Variants in TXNDC11 observed in about 807,000 individuals in gnomAD.
TXNDC11 encodes thioredoxin domain-containing protein 11.
TXNDC11 carries 68 observed loss-of-function variants against 78.0 expected under a neutral mutation model. The ratio of observed to expected loss-of-function variants is 0.87; its 90% CI spans 0.72 to 1.07. TXNDC11 has a LOEUF of 1.07. Among genes scored for constraint, TXNDC11 ranks in the 50% least tolerant of loss-of-function variants. The pLI, the probability that TXNDC11 is intolerant of heterozygous loss-of-function variation, is 0.00. For missense variants in TXNDC11, 1,389 were observed against 1,221.8 expected, an observed-to-expected ratio of 1.14 and a Z score of -2.04; for synonymous variants, 571 against 495.2, an observed-to-expected ratio of 1.15 and a Z score of -2.03.
chr16:11,698,092 C>G (rs760283206), intron 7 of TXNDC11, 33 bp downstream of exon 7: 3 of 1,607,754 alleles, frequency 1.9e-6, no homozygotes, highest in Non-Finnish European at 2.6e-6. Flanking sequence ...TTTCCTACTC[C>G]TCATGAGGTG....
chr16:11,708,870 A>G (rs973891737), intron 5 of TXNDC11, among the ~76,000 whole-genome samples: 3 of 152,344 alleles, frequency 2.0e-5, no homozygotes, highest in Admixed American at 6.5e-5. Flanking sequence ...TCTTCTTTCC[A>G]AAGTCAGAAA....
intron 10 of TXNDC11, 24 bp downstream of exon 10, chr16:11,687,833 G>A (rs745356100): frequency 3.3e-6 from 5 of 1,520,682 alleles, no homozygotes; most frequent in Non-Finnish European, 4.6e-6. Flanking sequence ...ACAGCCCAAA[G>A]CGCTGCAGAA....
intron 5 of TXNDC11, among the ~76,000 whole-genome samples, chr16:11,706,295 G>A (rs2051177089): frequency 1.3e-5 from 2 of 152,204 alleles, no homozygotes; most frequent in Non-Finnish European, 2.9e-5. Flanking sequence ...AGGTCAAGGT[G>A]ACCACAGCCA....
chr16:11,698,015 C>A (rs968864013), intron 7 of TXNDC11, 110 bp downstream of exon 7: 8 of 989,828 alleles, frequency 8.1e-6, no homozygotes, highest in Non-Finnish European at 1.5e-6. Flanking sequence ...AGCTGCCCCT[C>A]GTGGCAGCCA....
intron 2 of TXNDC11, among the ~76,000 whole-genome samples, chr16:11,734,543 C>T (rs1038375665): frequency 2.6e-5 from 4 of 152,170 alleles, no homozygotes; most frequent in South Asian, 2.1e-4. Flanking sequence ...CTGACAGCAT[C>T]GCCTTGCAAA....
At chr16:11,710,465 A>G (rs2051317422) in intron 5 of TXNDC11, among the ~76,000 whole-genome samples, 1 of 152,240 alleles carries the variant, frequency 6.6e-6, no homozygotes. Flanking sequence ...AACTAGGGCA[A>G]AGCTCCCTTA....
intron 5 of TXNDC11, among the ~76,000 whole-genome samples, chr16:11,718,427 G>A (rs2051607096): frequency 6.6e-6 from 1 of 152,064 alleles, no homozygotes; most frequent in South Asian, 2.1e-4. Context: ...TGTTTCTCCA[G>A]CCTTGATCTG....
intron 4 of TXNDC11, among the ~76,000 whole-genome samples, chr16:11,727,125 ACTATATAATTTTATAATGGTC>A (rs1343856098): frequency 2.0e-5 from 3 of 152,248 alleles, no homozygotes; most frequent in Non-Finnish European, 1.5e-5. Context: ...ATGAATGCTA[ACTATATAATTTTATAATGGTC>A]CAAAATGCTC....
intron 4 of TXNDC11, among the ~76,000 whole-genome samples, chr16:11,726,293 C>T (rs563764897): frequency 1.5e-3 from 226 of 152,156 alleles, no homozygotes; most frequent in African/African-American, 4.9e-3. Context: ...TAAAAACTTC[C>T]ACTCTTCGGC....
chr16:11,717,685 G>C (rs1231617432), intron 5 of TXNDC11, among the ~76,000 whole-genome samples: 2 of 150,266 alleles, frequency 1.3e-5, no homozygotes, highest in Admixed American at 1.3e-4. Context: ...GCTGGGCGTG[G>C]TGGCAGGCGC....
chr16:11,697,983 A>G (rs1479024822), intron 7 of TXNDC11, 142 bp downstream of exon 7: 1 of 777,204 alleles, frequency 1.3e-6, no homozygotes, highest in Non-Finnish European at 2.2e-6. Context: ...ATGGAGGGGC[A>G]AAGAGCAATG....
At position 11,679,808 on chromosome 16, in the gene TXNDC11, T is replaced by C. The variant is rs775687001; in HGVS notation, c.2264A>G (p.Asp755Gly). 1.5e-5 allele frequency: 24 copies of C among 1,612,842 alleles called. No individual in the cohort carries two copies. The highest frequency in any genetic ancestry group is 3.3e-5 in the Admixed American group (2 of 59,950). The change falls in exon 12 of 12, where the codon GAC becomes GGC. Residue 755 changes from aspartate to glycine, a missense_variant. Asp to Gly is a moderately conservative substitution (Grantham distance 94). Transcript: ENST00000283033. This position sits in a 1 kb window ranked among gnomAD's most constrained non-coding sequence, Gnocchi z 4.6. ...CAGGTTTGGAAGGGTGATGGGGACG[T>C]CTTCGGGGTATTTCACACTTAGGTC... Reference protein sequence around the residue: ...RKDLSVKYPEDVPITLPNLLR... With the variant: ...RKDLSVKYPEGVPITLPNLLR...
At position 11,733,995 on chromosome 16, in the gene TXNDC11, G is replaced by C. The variant is rs752915086; in HGVS notation, c.556C>G (p.Leu186Val). 8.7e-6 allele frequency: 14 copies of C among 1,605,786 alleles called. No homozygotes were observed. Among genetic ancestry groups the C allele is most frequent in the Non-Finnish European group, 1.1e-5 (13 of 1,176,848 alleles). The change falls in exon 3 of 12, where the codon CTG becomes GTG. Residue 186 changes from leucine to valine, a missense_variant. Transcript: ENST00000283033. Reference sequence around the variant, plus strand: ...AAAAGTTCTTACCTCCGATGATACAGATATATTACAGGAAAATAAAAGAAG... The same window carrying C: ...AAAAGTTCTTACCTCCGATGATACACATATATTACAGGAAAATAAAAGAAG... Reference protein sequence around the residue: ...KHFFYFPVIYLYHRSFGPIEY... With the variant: ...KHFFYFPVIYVYHRSFGPIEY...
chr16:11,734,262 C>G (rs1353052643), intron 2 of TXNDC11, among the ~76,000 whole-genome samples, 183 bp from the exon 3 acceptor site: 1 of 152,192 alleles, frequency 6.6e-6, no homozygotes, highest in Non-Finnish European at 1.5e-5. Flanking sequence ...AAGACATACT[C>G]TTATCTATGA....
At chr16:11,700,877 G>A (rs189474111) in intron 5 of TXNDC11, among the ~76,000 whole-genome samples, 1 of 152,132 alleles carries the variant, frequency 6.6e-6, no homozygotes, top group African/African-American at 2.4e-5. Flanking sequence ...GGCACATGCT[G>A]TTCTCTTTGT....
intron 9 of TXNDC11, 121 bp from the exon 10 acceptor site, chr16:11,688,087 GAAAATTTTCATCT>G (rs1416163402): frequency 6.3e-6 from 6 of 949,230 alleles, no homozygotes; most frequent in Non-Finnish European, 9.8e-6. Context: ...ATATTACAGT[GAAAATTTTCATCT>G]TTAGGTCTTT....
intron 5 of TXNDC11, among the ~76,000 whole-genome samples, chr16:11,715,921 G>C (rs2051514525): frequency 6.6e-6 from 1 of 152,150 alleles, no homozygotes; most frequent in African/African-American, 2.4e-5. Flanking sequence ...AGATGGCTTA[G>C]TTTCTAATTA....
At chr16:11,681,567 A>G (rs1248729445) in intron 11 of TXNDC11, among the ~76,000 whole-genome samples, 1 of 151,992 alleles carries the variant, frequency 6.6e-6, no homozygotes, top group Non-Finnish European at 1.5e-5. Context: ...TGTCTATGCA[A>G]CTCTCCTCTA....
rs192779289 is a variant in TXNDC11 at position 11,679,343 on chromosome 16, C to G, written c.2729G>C (p.Gly910Ala). Residue 910 changes from glycine to alanine, a missense_variant, in exon 12 of 12, where the codon GGA (glycine) becomes GCA (alanine). Gly to Ala is a moderately conservative substitution (Grantham distance 60, BLOSUM62 0). Transcript: ENST00000283033. The surrounding 1 kb of genome is among the most constrained non-coding windows in gnomAD (Gnocchi z 4.6). ...TCTCTGGGCCGCCAGGCTTTCAGCT[C>G]CATCCCTGCCCTCCAGTTTCCTCTC... Reference protein sequence around the residue: ...TMERKLEGRDGAESLAAQREV... With the variant: ...TMERKLEGRDAAESLAAQREV... The G allele has an allele frequency of 1.9e-6, 3 of 1,612,212 alleles. No homozygotes were observed. The highest frequency in any genetic ancestry group is 2.2e-5 in the South Asian group (2 of 90,984).
Sources: allele counts gnomAD v4.1 joint callset (sites outside exome capture counted in the v4.1 genomes callset), GRCh38; gene constraint gnomAD v4.1.1; non-coding constraint Gnocchi (gnomAD v3.1); transcripts MANE v1.5; gene names NCBI Gene and HGNC (gene_info 2026-07-23, HGNC 2026-07-21).